Variants in NPR1 observed in about 807,000 individuals in gnomAD.
NPR1 encodes the protein atrial natriuretic peptide receptor 1.
In NPR1, 57 loss-of-function variants were observed where a neutral mutation model predicts 116.9. The observed-to-expected ratio is 0.49, with a 90% CI of 0.39 to 0.61. The LOEUF is 0.61. Ranked by LOEUF, NPR1 falls within the 20% of genes least tolerant of loss-of-function variation. The pLI is 0.00. For synonymous variants in NPR1, 555 were observed against 601.6 expected, an observed-to-expected ratio of 0.92 and a Z score of 1.13; for missense variants, 1,096 against 1,409.8, an observed-to-expected ratio of 0.78 and a Z score of 3.56.
At chr1:153,682,471 C>T in intron 4 of NPR1, 27 bp from the exon 5 acceptor site, 1 of 1,567,062 alleles carries the variant, frequency 6.4e-7, no homozygotes, top group Non-Finnish European at 8.8e-7. Context: ...TTCTCTCAAA[C>T]ATAGTCATCT....
intron 3 of NPR1, 126 bp from the exon 4 acceptor site, chr1:153,681,578 G>C: frequency 1.0e-6 from 1 of 980,490 alleles, no homozygotes; most frequent in Non-Finnish European, 1.5e-6. Flanking sequence ...ATCTCCCTGT[G>C]ATATAGGGGT....
chr1:153,692,669 C>A (rs1212199847), intron 20 of NPR1, among the ~76,000 whole-genome samples: 1 of 152,102 alleles, frequency 6.6e-6, no homozygotes, highest in Non-Finnish European at 1.5e-5. Context: ...AGTGCCACCA[C>A]ACACAGCTAA....
rs563752832 is a variant in NPR1 at position 153,686,556 on chromosome 1, G to A, written c.1759-90G>A. 6.9e-4 allele frequency: 722 copies of A among 1,039,546 alleles called. 9 individuals carry two copies. Among genetic ancestry groups the A allele is most frequent in the South Asian group, 5.9e-3 (426 of 72,068 alleles). The allele number at this position is 1,039,546 out of a possible 1,614,324, so 64.4% of individuals were successfully genotyped here. A position where few individuals can be genotyped will look rare whatever the true frequency, so the allele number is the denominator to read the frequency against. Reference sequence around the variant, plus strand: ...GATGGTTGCAGAAAGTGAATAAGGAGTTAAGAAGAGTGAGGGTCCCTGAAG... The same window carrying A: ...GATGGTTGCAGAAAGTGAATAAGGAATTAAGAAGAGTGAGGGTCCCTGAAG... On this transcript the variant is annotated intron_variant, in intron 10 of 21. Coordinates refer to ENST00000368680, the MANE Select transcript of NPR1 (RefSeq NM_000906.4).
rs151224285 is a variant in NPR1, at chr1:153,688,812, C to T, written c.2418-141C>T. Reference sequence around the variant, plus strand: ...CTTCCTTCTGTTTTCCCCTGCTCCCCGGTATCCTGCTATGCCCTCAACCCT... The same window carrying T: ...CTTCCTTCTGTTTTCCCCTGCTCCCTGGTATCCTGCTATGCCCTCAACCCT... On this transcript the variant is annotated intron_variant, in intron 15 of 21. Transcript: ENST00000368680. 2.0e-3 allele frequency: 1,923 copies of T among 965,404 alleles called. 20 individuals are homozygous for T. In the African/African-American group the frequency reaches 0.027, roughly 14 times the overall value. 59.8% of individuals were successfully genotyped at this position (965,404 alleles called of 1,614,324 possible).
In NPR1 at chr1:153,689,261, A is replaced by G. The variant is rs1670021516; in HGVS notation, c.2638A>G (p.Ser880Gly). ...CTTTGACAGTGTTACCATCTACTTC[A>G]GTGACATTGTGGGTTTCACAGCGCT... ...EAFDSVTIYF[S>G]DIVGFTALSA... is the part of the protein sequence containing the mutation. Residue 880 changes from serine to glycine, a missense_variant, in exon 17 of 22, where the codon AGT becomes GGT. Transcript: ENST00000368680. The surrounding 1 kb of genome is among the most constrained non-coding windows in gnomAD (Gnocchi z 5.1). The G allele has an allele frequency of 6.2e-7, 1 of 1,614,038 alleles. No homozygotes were observed. The highest frequency in any genetic ancestry group is 8.5e-7 in the Non-Finnish European group (1 of 1,180,036).
chr1:153,684,535 GCA>G (rs1167362748), intron 7 of NPR1, among the ~76,000 whole-genome samples: 5 of 151,772 alleles, frequency 3.3e-5, no homozygotes, highest in Non-Finnish European at 7.4e-5. Flanking sequence ...GGGACTACAG[GCA>G]CATGCCACCA....
At position 153,686,536 on chromosome 1, in the gene NPR1, T is replaced by C. The variant is rs978857737; in HGVS notation, c.1759-110T>C. 17 of 902,444 alleles carry C rather than the reference T, an allele frequency of 1.9e-5. No homozygotes were observed. The Admixed American group carries it at 3.3e-4, about 17-fold the overall frequency. The allele number at this position is 902,444 out of a possible 1,614,324, so 55.9% of individuals were successfully genotyped here. On this transcript the variant is annotated intron_variant, in intron 10 of 21. Coordinates refer to ENST00000368680, the MANE Select transcript of NPR1 (RefSeq NM_000906.4). Reference sequence around the variant, plus strand: ...TCACCAGGGAAGATCTTAGTGATGGTTGCAGAAAGTGAATAAGGAGTTAAG... The same window carrying C: ...TCACCAGGGAAGATCTTAGTGATGGCTGCAGAAAGTGAATAAGGAGTTAAG...
rs778329670 is a variant in NPR1, at chr1:153,685,130, G to A, written c.1605+46G>A. The A allele has an allele frequency of 5.6e-6, 9 of 1,604,220 alleles. No homozygotes were observed. In the South Asian group the frequency reaches 9.9e-5, roughly 18 times the overall value. On this transcript the variant is annotated intron_variant, in intron 8 of 21. Transcript: ENST00000368680. Reference sequence around the variant, plus strand: ...GTTGGGGGGCAATAAAGGAGAGGTGGGTACAAGGGGCAGTGCCTGAGGGAT... The same window carrying A: ...GTTGGGGGGCAATAAAGGAGAGGTGAGTACAAGGGGCAGTGCCTGAGGGAT...
chr1:153,683,464 A>G lies in NPR1; in HGVS notation c.1352A>G (p.Asp451Gly). 1 of 1,614,152 alleles carries G rather than the reference A, an allele frequency of 6.2e-7. No individual in the cohort carries two copies. Among genetic ancestry groups the G allele is most frequent in the Non-Finnish European group, 8.5e-7 (1 of 1,180,028 alleles). ...LNWPLGYPPP[D>G]IPKCGFDNED... is the part of the protein sequence containing the mutation. ...TGGCCCCTGGGGTACCCTCCTCCTG[A>G]CATCCCCAAATGTGGCTTTGACAAC... Residue 451 changes from aspartate to glycine, a missense_variant, in exon 6 of 22, where the codon GAC becomes GGC. Asp to Gly is a moderately conservative substitution (Grantham distance 94). Transcript: ENST00000368680.
chr1:153,686,205 T>A lies in NPR1; in HGVS notation c.1758+5T>A, dbSNP rs202076320. ...GTCCTGTTTGAACTGAAGCATGTAA[T>A]GTGGGGAGTGAGGCAGTGGCATGGA... is the stretch of plus-strand genomic sequence containing the variant. On this transcript the variant is annotated splice_donor_5th_base_variant and intron_variant, in intron 10 of 21. Transcript: ENST00000368680. 2.3e-5 allele frequency: 37 copies of A among 1,613,654 alleles called. No homozygotes were observed. In the East Asian group the frequency reaches 7.6e-4, roughly 33 times the overall value.
chr1:153,687,442 T>G (rs1557963911), intron 13 of NPR1, 86 bp downstream of exon 13: 1 of 1,531,026 alleles, frequency 6.5e-7, no homozygotes, highest in Non-Finnish European at 8.8e-7. Context: ...GGCTTGGGCA[T>G]GCTTGTCCTG....
rs770910403 is a variant in NPR1 at position 153,687,081 on chromosome 1, C to T, written c.1929C>T (p.Ile643=). 4.8e-5 allele frequency: 78 copies of T among 1,613,948 alleles called. No homozygotes were observed. Among genetic ancestry groups the T allele is most frequent in the Admixed American group, 6.7e-5 (4 of 59,992 alleles). The part of the protein sequence containing the change: ...WMFRYSLTND[I]VKGMLFLHNG... ...TCCGGTACTCACTCACCAATGACAT[C>T]GTCAAGGTATGCCCCTAAGCACCTA... Residue 643 remains isoleucine, a synonymous_variant, in exon 12 of 22, where the codon ATC becomes ATT. Coordinates refer to ENST00000368680, the MANE Select transcript of NPR1 (RefSeq NM_000906.4).
Position 153,679,559 on chromosome 1 carries a change from G to T in NPR1, c.451G>T (p.Glu151Ter). Reference protein sequence around the residue: ...APALGFGVKDEYALTTRAGPS... With the variant: ...APALGFGVKD ...GGCGCTGGGCTTCGGTGTCAAGGACGAGTATGCGCTGACCACCCGCGCGGG... is the reference window on the plus strand; with the variant it reads ...GGCGCTGGGCTTCGGTGTCAAGGACTAGTATGCGCTGACCACCCGCGCGGG... The change falls in exon 1 of 22, where the codon GAG becomes TAG. Residue 151 changes from glutamate (E) to a stop codon, truncating the protein, a stop_gained. Coordinates refer to ENST00000368680, the MANE Select transcript of NPR1 (RefSeq NM_000906.4). LOFTEE classifies it high-confidence loss of function. The surrounding 1 kb of genome is among the most constrained non-coding windows in gnomAD (Gnocchi z 4.2). The T allele has an allele frequency of 6.4e-7, 1 of 1,552,576 alleles. No homozygotes were observed. The highest frequency in any genetic ancestry group is 8.7e-7 in the Non-Finnish European group (1 of 1,153,844).
rs1669737905 is a variant in NPR1 at position 153,680,513 on chromosome 1, G to A, written c.734G>A (p.Cys245Tyr). 1 of 1,613,900 alleles carries A rather than the reference G, an allele frequency of 6.2e-7. No homozygotes were observed. Among genetic ancestry groups the A allele is most frequent in the Non-Finnish European group, 8.5e-7 (1 of 1,179,992 alleles). ...CGTCTTTCTCCAGTTATCTACATCT[G>A]CAGCTCCCCTGATGCCTTCAGAACC... ...MPRKGRVIYI[C>Y]SSPDAFRTLM... The change falls in exon 2 of 22, where the codon TGC becomes TAC. Residue 245 changes from cysteine (C) to tyrosine (Y), a missense_variant. Coordinates refer to ENST00000368680, the MANE Select transcript of NPR1 (RefSeq NM_000906.4).
chr1:153,680,403 C>T (rs1287398473), intron 1 of NPR1, 98 bp from the exon 2 acceptor site: 3 of 1,110,794 alleles, frequency 2.7e-6, no homozygotes, highest in Non-Finnish European at 4.1e-6. Context: ...CTCCTGCACC[C>T]TATCTCTAAA....
chr1:153,690,068 ATCTC>A (rs1189924933), intron 19 of NPR1, 88 bp downstream of exon 19: 27,051 of 667,586 alleles, frequency 0.041, 73 homozygotes, highest in East Asian at 0.075. Flanking sequence ...TCGCCCTTTC[ATCTC>A]TCTCTCTCTC....
intron 9 of NPR1, 120 bp downstream of exon 9, chr1:153,686,000 TG>T: frequency 7.7e-7 from 1 of 1,303,212 alleles, no homozygotes; most frequent in Non-Finnish European, 1.1e-6. Context: ...ATGGGGGCCC[TG>T]GGGGTGGGCT....
rs1412831131 is a variant in NPR1 at position 153,681,400 on chromosome 1, C to A, written c.1035+107C>A. ...TTCCCAGTTCTCCCCTTCCTTCCCTCCCTTCCCATTGTTCCATGTTTCTCG... is the reference window on the plus strand; with the variant it reads ...TTCCCAGTTCTCCCCTTCCTTCCCTACCTTCCCATTGTTCCATGTTTCTCG... On this transcript the variant is annotated intron_variant, in intron 3 of 21. Transcript: ENST00000368680. 43 of 720,884 alleles carry A rather than the reference C, an allele frequency of 6.0e-5. 1 individual carries two copies. The highest frequency in any genetic ancestry group is 5.4e-4 in the South Asian group (32 of 59,222). 44.7% of individuals were successfully genotyped at this position (720,884 alleles called of 1,614,324 possible).
intron 7 of NPR1, among the ~76,000 whole-genome samples, chr1:153,684,177 A>G (rs1052238899): frequency 6.6e-6 from 1 of 152,070 alleles, no homozygotes; most frequent in Non-Finnish European, 1.5e-5. Context: ...ATGTTAGCTG[A>G]GGAGGGTGAG....
Sources: allele counts gnomAD v4.1 joint callset (sites outside exome capture counted in the v4.1 genomes callset), GRCh38; gene constraint gnomAD v4.1.1; non-coding constraint Gnocchi (gnomAD v3.1); transcripts MANE v1.5; gene names NCBI Gene and HGNC (gene_info 2026-07-23, HGNC 2026-07-21).